The following ERCC8 variants were observed in gnomAD, a reference collection of about 807,000 sequenced individuals.
The protein encoded by ERCC8 is ERCC excision repair 8, CSA ubiquitin ligase complex subunit, also known as DNA excision repair protein ERCC-8.
In ERCC8, 52 loss-of-function variants were observed where a neutral mutation model predicts 54.9. That is an observed-to-expected ratio of 0.95 (90% confidence interval 0.76 to 1.19). The LOEUF (loss-of-function observed/expected upper bound fraction) is 1.19, where lower values mean the gene tolerates loss of function less well. ERCC8 is among the 50% of genes most tolerant of loss of function. The probability of loss-of-function intolerance (pLI) is 0.00; values close to 1 mark genes in which losing one functional copy is unlikely to be tolerated. For missense variants in ERCC8, 514 were observed against 466.1 expected, an observed-to-expected ratio of 1.10 and a Z score of -0.95; for synonymous variants, 146 against 157.2, an observed-to-expected ratio of 0.93 and a Z score of 0.53.
chr5:60,922,009 T>A (rs376383083), intron 3 of ERCC8, 45 bp downstream of exon 3: 114 of 1,360,746 alleles, frequency 8.4e-5, no homozygotes, highest in Non-Finnish European at 1.1e-4. Flanking sequence ...CAAAAAATAC[T>A]CAACTATTTA....
Position 60,909,243 on chromosome 5 carries a change from GAAAAAAAAAAAAAAAAAAAA to G in ERCC8, c.400-4390_400-4371del, listed in dbSNP as rs60064294. ...AATGCAGACAAAAATGCCCTATTCT[GAAAAAAAAAAAAAAAAAAAA>G]AAAAAAAAAAAAAAAGCCACAAAGG... On this transcript the variant is annotated intron_variant, in intron 4 of 11. Coordinates refer to ENST00000676185, the MANE Select transcript of ERCC8 (RefSeq NM_000082.4). Among the ~76,000 whole-genome samples the G allele has an allele frequency of 2.5e-3, 50 of 19,954 alleles. 1 individual carries two copies. Among genetic ancestry groups the G allele is most frequent in the African/African-American group, 8.0e-3 (47 of 5,846 alleles). 13.1% of individuals were successfully genotyped at this position (19,954 alleles called of 152,430 possible).
intron 11 of ERCC8, among the ~76,000 whole-genome samples, chr5:60,885,000 C>T (rs1222806255): frequency 2.0e-5 from 3 of 150,582 alleles, no homozygotes; most frequent in Non-Finnish European, 4.4e-5. Context: ...AATAAACCAT[C>T]AGTCACATAT....
At chr5:60,909,297 G>A (rs1749182223) in intron 4 of ERCC8, among the ~76,000 whole-genome samples, 1 of 116,892 alleles carries the variant, frequency 8.6e-6, no homozygotes, top group Non-Finnish European at 1.7e-5. Flanking sequence ...GGACTCTTAT[G>A]ACATGGACCC....
At chr5:60,928,751 A>G in intron 2 of ERCC8, 113 bp downstream of exon 2, 1 of 650,548 alleles carries the variant, frequency 1.5e-6, no homozygotes. Flanking sequence ...AAATGCTACA[A>G]TTTAGGATTT....
At chr5:60,930,611 T>C (rs1749880786) in intron 1 of ERCC8, among the ~76,000 whole-genome samples, 2 of 151,320 alleles carry the variant, frequency 1.3e-5, no homozygotes, top group Non-Finnish European at 2.9e-5. Flanking sequence ...GGCGTATGCC[T>C]GTAATCCCAG....
In ERCC8 at chr5:60,866,586, TGGA is replaced by T. The variant is rs777338746; in HGVS notation, c.*8026_*8028del. On this transcript the variant is annotated 3_prime_UTR_variant, in exon 12 of 12. Transcript: ENST00000676185. ...AATGATGGCTCCATAATAATTCACA[TGGA>T]AACTTTGCTTTAAAAGTGTAATTCA... is the stretch of plus-strand genomic sequence containing the variant. 3 of 152,174 alleles carry T rather than the reference TGGA, an allele frequency of 2.0e-5. No homozygotes were observed. Among genetic ancestry groups the T allele is most frequent in the Non-Finnish European group, 4.4e-5 (3 of 68,024 alleles). The allele number at this position is 152,174 out of a possible 1,614,324, so 9.4% of individuals were successfully genotyped here.
At chr5:60,887,343 G>T in intron 11 of ERCC8, 97 bp downstream of exon 11, 2 of 1,047,050 alleles carry the variant, frequency 1.9e-6, no homozygotes, top group Non-Finnish European at 3.0e-6. Context: ...CATGCCACTG[G>T]CAAGAAATGC....
At chr5:60,893,116 C>T (rs957719582) in intron 9 of ERCC8, 15 of 778,954 alleles carry the variant, frequency 1.9e-5, no homozygotes, top group Non-Finnish European at 1.9e-5. Context: ...TTGCCTTCTG[C>T]CCATAGGATA....
chr5:60,915,070 G>A (rs996661658), intron 4 of ERCC8: 1 of 151,890 alleles, frequency 6.6e-6, no homozygotes, highest in African/African-American at 2.4e-5. Flanking sequence ...TGTAAATTTT[G>A]AAATCATGGA....
Position 60,890,872 on chromosome 5 carries a change from T to A in ERCC8, c.1041+17A>T, listed in dbSNP as rs1579994726. The A allele has an allele frequency of 6.3e-7, 1 of 1,591,210 alleles. No homozygotes were observed. Among genetic ancestry groups the A allele is most frequent in the Non-Finnish European group, 8.6e-7 (1 of 1,159,806 alleles). ...AGCTAGCTAGCTGAACATTTTAAATTCCTGTATCACTCTTACCTGGAAATT... is the reference window on the plus strand; with the variant it reads ...AGCTAGCTAGCTGAACATTTTAAATACCTGTATCACTCTTACCTGGAAATT... On this transcript the variant is annotated intron_variant, in intron 10 of 11. Coordinates refer to ENST00000676185, the MANE Select transcript of ERCC8 (RefSeq NM_000082.4).
chr5:60,867,689 T>C lies in ERCC8; in HGVS notation c.*6926A>G, dbSNP rs562163278. 2.0e-5 allele frequency among the ~76,000 whole-genome samples: 3 copies of C among 152,222 alleles called. No individual in the cohort carries two copies. The highest frequency in any genetic ancestry group is 4.4e-5 in the Non-Finnish European group (3 of 68,036). ...TACACAATAGTGGATGATACCATCATGCAGGGTGTAGAGAAGCTGGAATTA... is the reference window on the plus strand; with the variant it reads ...TACACAATAGTGGATGATACCATCACGCAGGGTGTAGAGAAGCTGGAATTA... On this transcript the variant is annotated 3_prime_UTR_variant, in exon 12 of 12. Coordinates refer to ENST00000676185, the MANE Select transcript of ERCC8 (RefSeq NM_000082.4).
rs73759442 is a variant in ERCC8 at position 60,926,384 on chromosome 5, A to T, written c.173+2480T>A. 4.2e-3 allele frequency among the ~76,000 whole-genome samples: 639 copies of T among 152,280 alleles called. 2 individuals are homozygous for T. Among genetic ancestry groups the T allele is most frequent in the African/African-American group, 0.015 (606 of 41,558 alleles). ...TAGTAGATTTATGTTTTAGCACAAGATCCTTATCTTGTGACCCAGTCACAA... is the reference window on the plus strand; with the variant it reads ...TAGTAGATTTATGTTTTAGCACAAGTTCCTTATCTTGTGACCCAGTCACAA... On this transcript the variant is annotated intron_variant, in intron 2 of 11. Transcript: ENST00000676185.
At chr5:60,935,427 A>T (rs1239889479) in intron 1 of ERCC8, among the ~76,000 whole-genome samples, 5 of 152,086 alleles carry the variant, frequency 3.3e-5, no homozygotes, top group African/African-American at 1.2e-4. Context: ...CAGTTCTAGG[A>T]GCTTTTTGGA....
At position 60,892,882 on chromosome 5, in the gene ERCC8, T is replaced by C. The variant is rs1044880199; in HGVS notation, c.844-1796A>G. The C allele has an allele frequency of 2.4e-5, 17 of 706,432 alleles. No individual in the cohort carries two copies. In the African/African-American group the frequency reaches 2.8e-4, roughly 12 times the overall value. 43.8% of individuals were successfully genotyped at this position (706,432 alleles called of 1,614,324 possible). On this transcript the variant is annotated intron_variant, in intron 9 of 11. Transcript: ENST00000676185. ...CTTTTAATCAGGCTGCTTTTCCCAA[T>C]ATTGGGAAGGCCTACAATGTCCATA...
rs565247324 is a variant in ERCC8, at chr5:60,903,639, T to C, written c.550+9A>G. The C allele has an allele frequency of 1.1e-5, 17 of 1,612,458 alleles. No individual in the cohort carries two copies. In the South Asian group the frequency reaches 1.4e-4, roughly 14 times the overall value. On this transcript the variant is annotated intron_variant, in intron 6 of 11. Coordinates refer to ENST00000676185, the MANE Select transcript of ERCC8 (RefSeq NM_000082.4). ...AAAGTAGTTGCCGTTTGAAATAAAA[T>C]AAAAATACCCTGTAGAATGTGAGAA...
chr5:60,937,059 C>A (rs1367498072), intron 1 of ERCC8, among the ~76,000 whole-genome samples: 3 of 152,176 alleles, frequency 2.0e-5, no homozygotes, highest in Non-Finnish European at 4.4e-5. Context: ...TTGGATCTAG[C>A]CAACCAGCAG....
intron 11 of ERCC8, among the ~76,000 whole-genome samples, chr5:60,884,873 C>G (rs949030108): frequency 6.6e-6 from 1 of 152,056 alleles, no homozygotes; most frequent in Non-Finnish European, 1.5e-5. Context: ...ATACAAAACT[C>G]AACTTGATAT....
In ERCC8 at chr5:60,869,791, A is replaced by G. The variant is rs946729524; in HGVS notation, c.*4824T>C. ...TTAAAACTAGGCATTTCATAGGTGT[A>G]CCATAATGACTAGTTAAAAATGGAA... On this transcript the variant is annotated 3_prime_UTR_variant, in exon 12 of 12. Transcript: ENST00000676185. 6.6e-6 allele frequency among the ~76,000 whole-genome samples: 1 copy of G among 151,764 alleles called. No homozygotes were observed. Among genetic ancestry groups the G allele is most frequent in the Non-Finnish European group, 1.5e-5 (1 of 68,024 alleles).
chr5:60,915,899 G>A (rs1258158183), intron 4 of ERCC8, among the ~76,000 whole-genome samples: 3 of 151,850 alleles, frequency 2.0e-5, no homozygotes, highest in Non-Finnish European at 2.9e-5. Context: ...ATCTGGGAGC[G>A]GGACATGATG....
Sources: gnomAD v4.1 joint callset for allele counts (sites outside exome capture counted in the v4.1 genomes callset) on GRCh38, gnomAD v4.1.1 for gene constraint, MANE v1.5 for transcripts, NCBI Gene and HGNC (gene_info 2026-07-23, HGNC 2026-07-21) for gene names.